The following RBFOX2 variants were observed in gnomAD, a reference collection of about 807,000 sequenced individuals.
The protein encoded by RBFOX2 is RNA binding protein fox-1 homolog 2.
Under a neutral mutation model 49.1 loss-of-function variants are expected in RBFOX2, and 10 were observed. That is an observed-to-expected ratio of 0.20 (90% CI 0.13 to 0.35). The LOEUF (loss-of-function observed/expected upper bound fraction) is 0.35. RBFOX2 is among the 10% of genes least tolerant of loss of function. RBFOX2 has a pLI of 1.00. For synonymous variants in RBFOX2, 183 were observed against 187.4 expected, an observed-to-expected ratio of 0.98 and a Z score of 0.19; for missense variants, 323 against 486.9, an observed-to-expected ratio of 0.66 and a Z score of 3.17.
intron 1 of RBFOX2, among the ~76,000 whole-genome samples, chr22:35,862,383 G>C (rs548838150): frequency 6.0e-5 from 9 of 150,314 alleles, no homozygotes; most frequent in Admixed American, 2.7e-4. Context: ...TTGGAGGGGG[G>C]GGGGAATGAT....
At chr22:35,983,793 A>G (rs955704234) in intron 1 of RBFOX2, among the ~76,000 whole-genome samples, 3 of 152,162 alleles carry the variant, frequency 2.0e-5, no homozygotes, top group Admixed American at 6.5e-5. Context: ...ACCCATGACC[A>G]TTTTACTTCA....
In RBFOX2 at chr22:35,945,043, C is replaced by T. The variant is rs189879362; in HGVS notation, c.43-6146G>A. On this transcript the variant is annotated intron_variant, in intron 1 of 5. Transcript: ENST00000408983. ...AAGGGGAAGAATAATGAAAATGGAACAAAAAGAATTCTTACCACTCTGCAG... is the reference window on the plus strand; with the variant it reads ...AAGGGGAAGAATAATGAAAATGGAATAAAAAGAATTCTTACCACTCTGCAG... Among the ~76,000 whole-genome samples, 207 of 152,174 alleles carry T rather than the reference C, an allele frequency of 1.4e-3. 3 individuals carry two copies. The highest frequency in any genetic ancestry group is 3.2e-4 in the Non-Finnish European group (22 of 67,992).
At chr22:35,974,695 A>C (rs2057055683) in intron 1 of RBFOX2, among the ~76,000 whole-genome samples, 2 of 152,114 alleles carry the variant, frequency 1.3e-5, no homozygotes, top group Non-Finnish European at 2.9e-5. Flanking sequence ...TCAAAAACAA[A>C]AACAACAACA....
At chr22:35,998,815 T>C (rs981822705) in intron 1 of RBFOX2, 1 of 152,640 alleles carries the variant, frequency 6.6e-6, no homozygotes, top group African/African-American at 2.4e-5. Context: ...TCAAATCTTA[T>C]GAGATGACAT....
intron 1 of RBFOX2, among the ~76,000 whole-genome samples, chr22:35,968,570 T>A (rs2056696972): frequency 1.3e-5 from 2 of 152,186 alleles, no homozygotes; most frequent in Non-Finnish European, 1.5e-5. Context: ...TTAAAACTCT[T>A]TTATCAGGAA....
intron 11 of RBFOX2, among the ~76,000 whole-genome samples, chr22:35,744,907 T>A (rs992435489): frequency 6.6e-6 from 1 of 152,214 alleles, no homozygotes; most frequent in Non-Finnish European, 1.5e-5. Context: ...CAATTAGAAG[T>A]TTCCCAGGAA....
chr22:35,765,610 T>C, intron 5 of RBFOX2, 127 bp from the exon 7 acceptor site: 2 of 460,496 alleles, frequency 4.3e-6, no homozygotes, highest in Non-Finnish European at 7.8e-6. Context: ...ATTTAAATAA[T>C]TAACACAGCA....
chr22:35,772,105 A>G (rs1219737393), intron 4 of RBFOX2, among the ~76,000 whole-genome samples: 1 of 152,238 alleles, frequency 6.6e-6, no homozygotes, highest in Non-Finnish European at 1.5e-5. Flanking sequence ...AATCTGTAAC[A>G]AACAGATTTA....
chr22:35,976,914 A>C (rs1480938640), intron 1 of RBFOX2, among the ~76,000 whole-genome samples: 1 of 151,888 alleles, frequency 6.6e-6, no homozygotes, highest in Non-Finnish European at 1.5e-5. Context: ...CAGGGAGCCA[A>C]GATCGCGTCA....
intron 1 of RBFOX2, among the ~76,000 whole-genome samples, chr22:36,010,297 G>A (rs2058767135): frequency 6.6e-6 from 1 of 152,054 alleles, no homozygotes; most frequent in Admixed American, 6.6e-5. Flanking sequence ...CTTTACACCG[G>A]GTGTGAAGGA....
chr22:35,761,071 G>A, intron 8 of RBFOX2, 131 bp downstream of exon 9: 1 of 743,638 alleles, frequency 1.3e-6, no homozygotes, highest in Admixed American at 2.7e-5. Flanking sequence ...CAGGGCACTG[G>A]GATAGTATTT....
chr22:35,885,261 A>G lies in RBFOX2; in HGVS notation c.-34+53586T>C, dbSNP rs145236129. 8.3e-3 allele frequency among the ~76,000 whole-genome samples: 1,269 copies of G among 152,228 alleles called. 8 individuals carry two copies. The highest frequency in any genetic ancestry group is 0.014 in the Non-Finnish European group (951 of 68,012). On this transcript the variant is annotated intron_variant, in intron 1 of 13. Coordinates refer to the RBFOX2 transcript ENST00000359369. ...TACCCCTGCCCAGCCTTTGGCATCT[A>G]CTGTACTGTTTAGTGAGACCTTCAG... is the stretch of plus-strand genomic sequence containing the variant.
At chr22:35,821,759 C>T (rs776818873) in intron 1 of RBFOX2, 1 of 518,746 alleles carries the variant, frequency 1.9e-6, no homozygotes, top group Non-Finnish European at 3.8e-6. Context: ...CTGACCACCC[C>T]CAAGCTTTGG....
intron 1 of RBFOX2, among the ~76,000 whole-genome samples, chr22:35,879,054 A>G (rs1401842729): frequency 6.6e-6 from 1 of 152,336 alleles, no homozygotes; most frequent in East Asian, 1.9e-4. Flanking sequence ...TATAATATTT[A>G]GAAGATAAAT....
At chr22:35,967,604 C>T (rs2056637630) in intron 1 of RBFOX2, among the ~76,000 whole-genome samples, 1 of 152,106 alleles carries the variant, frequency 6.6e-6, no homozygotes, top group Non-Finnish European at 1.5e-5. Context: ...TGAATACTAA[C>T]CTTAGCTAAT....
intron 1 of RBFOX2, among the ~76,000 whole-genome samples, chr22:36,012,868 G>A (rs971114556): frequency 6.6e-6 from 1 of 152,004 alleles, no homozygotes; most frequent in East Asian, 1.9e-4. Flanking sequence ...AAATTCAAGC[G>A]ATTCTCCTAC....
chr22:35,819,252 A>G (rs1953903902), intron 1 of RBFOX2, among the ~76,000 whole-genome samples: 1 of 152,184 alleles, frequency 6.6e-6, no homozygotes, highest in South Asian at 2.1e-4. Context: ...CATTCTCTCA[A>G]TAGCTTTACC....
intron 1 of RBFOX2, chr22:35,822,046 C>T: frequency 2.1e-6 from 1 of 484,998 alleles, no homozygotes; most frequent in Non-Finnish European, 4.1e-6. Context: ...AGAGGGCCAG[C>T]CTTTCTGCCT....
intron 6 of RBFOX2, among the ~76,000 whole-genome samples, chr22:35,764,583 T>TAA: frequency 1.0e-5 from 1 of 98,404 alleles, no homozygotes; most frequent in East Asian, 3.8e-4. Flanking sequence ...AGACTCCGTC[T>TAA]CAAAAAAAAA....
Sources: gnomAD v4.1 joint callset for allele counts (sites outside exome capture counted in the v4.1 genomes callset) on GRCh38, gnomAD v4.1.1 for gene constraint, MANE v1.5 for transcripts, NCBI Gene and HGNC (gene_info 2026-07-23, HGNC 2026-07-21) for gene names.